ZEB2: variants seen among roughly 807,000 people sequenced by gnomAD.
The protein encoded by ZEB2 is zinc finger E-box binding homeobox 2.
ZEB2 carries 6 observed loss-of-function variants against 99.9 expected under a neutral mutation model. The observed-to-expected ratio is 0.06, with a 90% CI of 0.03 to 0.12. ZEB2 has a LOEUF of 0.12. Ranked by LOEUF, ZEB2 falls within the 10% of genes least tolerant of loss-of-function variation. The pLI, the probability that ZEB2 is intolerant of heterozygous loss-of-function variation, is 1.00. For synonymous variants in ZEB2, 517 were observed against 542.5 expected, an observed-to-expected ratio of 0.95 and a Z score of 0.65; for missense variants, 969 against 1,502.8, an observed-to-expected ratio of 0.64 and a Z score of 5.87.
intron 2 of ZEB2, chr2:144,461,101 T>TTTTC: frequency 6.7e-6 from 1 of 149,606 alleles, no homozygotes; most frequent in African/African-American, 2.4e-5. Flanking sequence ...TTCTTTTTCT[T>TTTTC]TTTTTTTTTT....
In ZEB2 at chr2:144,385,895, T is replaced by A. The variant is rs1482702389; in HGVS notation, c.*3556A>T. 1 of 152,192 alleles carries A rather than the reference T, an allele frequency of 6.6e-6. No individual in the cohort carries two copies. The highest frequency in any genetic ancestry group is 1.5e-5 in the Non-Finnish European group (1 of 68,012). 9.4% of individuals were successfully genotyped at this position (152,192 alleles called of 1,614,324 possible). On this transcript the variant is annotated 3_prime_UTR_variant, in exon 10 of 10. Coordinates refer to ENST00000627532, the MANE Select transcript of ZEB2 (RefSeq NM_014795.4). ...TTCATATTTATTCAAATATAGTCCCTTCTTTCCCCTTTCCTCCAAGCCCTC... is the reference window on the plus strand; with the variant it reads ...TTCATATTTATTCAAATATAGTCCCATCTTTCCCCTTTCCTCCAAGCCCTC...
chr2:144,395,242 T>C (rs1314808515), intron 9 of ZEB2, among the ~76,000 whole-genome samples: 1 of 152,056 alleles, frequency 6.6e-6, no homozygotes, highest in Admixed American at 6.6e-5. Flanking sequence ...CAAGCAGTCT[T>C]CCTGCCTTGG....
At chr2:144,405,169 G>A (rs984822917) in intron 4 of ZEB2, 145 bp from the exon 5 acceptor site, 7 of 859,224 alleles carry the variant, frequency 8.1e-6, no homozygotes, top group Admixed American at 2.1e-5. Context: ...GAAGATGACC[G>A]ATTATTGACT....
chr2:144,459,463 C>T (rs1299929051), intron 2 of ZEB2, among the ~76,000 whole-genome samples: 1 of 152,154 alleles, frequency 6.6e-6, no homozygotes, highest in Non-Finnish European at 1.5e-5. Flanking sequence ...AATTTACCTT[C>T]TCACTTGCAG....
intron 4 of ZEB2, among the ~76,000 whole-genome samples, chr2:144,412,409 G>A (rs1159766104): frequency 6.6e-6 from 1 of 152,224 alleles, no homozygotes; most frequent in African/African-American, 2.4e-5. Flanking sequence ...ATGAAGTAAG[G>A]TGATTTTGCC....
intron 2 of ZEB2, among the ~76,000 whole-genome samples, chr2:144,433,604 T>G (rs1468467179): frequency 6.6e-6 from 1 of 152,170 alleles, no homozygotes; most frequent in Non-Finnish European, 1.5e-5. Flanking sequence ...AAGATATATC[T>G]GCATATGCAT....
intron 2 of ZEB2, among the ~76,000 whole-genome samples, chr2:144,488,670 AGTGTGTGTGTGT>A (rs57221448): frequency 4.1e-5 from 6 of 148,028 alleles, no homozygotes; most frequent in Non-Finnish European, 7.5e-5. Flanking sequence ...CTCGTGTGTG[AGTGTGTGTGTGT>A]GTGTGTGTGT....
Position 144,513,812 on chromosome 2 carries a change from T to C in ZEB2, c.73+3466A>G, listed in dbSNP as rs923253403. On this transcript the variant is annotated intron_variant, in intron 2 of 9. Transcript: ENST00000627532. ...TGACTCCAAGGCTGTGTGGAGATAG[T>C]GGGGTATAATCAGGGGAAAGAAAAA... 7.8e-6 allele frequency: 12 copies of C among 1,535,884 alleles called. No individual in the cohort carries two copies. In the Admixed American group the frequency reaches 2.4e-4, roughly 30 times the overall value.
chr2:144,442,861 G>A (rs540360057), intron 2 of ZEB2, among the ~76,000 whole-genome samples: 19 of 152,076 alleles, frequency 1.2e-4, no homozygotes, highest in Non-Finnish European at 1.9e-4. Context: ...CATACATTGC[G>A]TGGCACAGAA....
chr2:144,396,290 T>C, intron 9 of ZEB2, 122 bp downstream of exon 9: 1 of 1,299,632 alleles, frequency 7.7e-7, no homozygotes, highest in Non-Finnish European at 1.1e-6. Context: ...AAAGCATTAT[T>C]TCTTCCTTGT....
At chr2:144,477,764 A>C (rs1248214625) in intron 2 of ZEB2, among the ~76,000 whole-genome samples, 1 of 152,228 alleles carries the variant, frequency 6.6e-6, no homozygotes, top group South Asian at 2.1e-4. Flanking sequence ...ATGGGGAGAC[A>C]GATGTACAGA....
intron 2 of ZEB2, among the ~76,000 whole-genome samples, chr2:144,505,612 C>T (rs796862913): frequency 2.6e-5 from 4 of 152,170 alleles, no homozygotes; most frequent in African/African-American, 9.6e-5. Context: ...AGGAGGTGGG[C>T]TGGGAGTGGG....
intron 9 of ZEB2, among the ~76,000 whole-genome samples, chr2:144,395,640 A>G (rs1315922213): frequency 1.3e-5 from 2 of 152,182 alleles, no homozygotes; most frequent in Non-Finnish European, 2.9e-5. Flanking sequence ...GGGAGGAAAC[A>G]CAAGTGGAGC....
rs763325552 is a variant in ZEB2 at position 144,396,583 on chromosome 2, G to T, written c.2896C>A (p.Leu966Ile). The T allele has an allele frequency of 1.2e-6, 2 of 1,613,482 alleles. No individual in the cohort carries two copies. Among genetic ancestry groups the T allele is most frequent in the Non-Finnish European group, 1.7e-6 (2 of 1,179,964 alleles). The change falls in exon 9 of 10, where the codon CTT becomes ATT. Residue 966 changes from leucine (L) to isoleucine (I), a missense_variant. Transcript: ENST00000627532. ...GACATGTAGTCTTGTGCTCCATCAA[G>T]CAATTCTCCCTGCGATAGAATCACA... ...QRKQGFQGEL[L>I]DGAQDYMSGL...
At chr2:144,504,548 T>C (rs1370596524) in intron 2 of ZEB2, 1 of 152,170 alleles carries the variant, frequency 6.6e-6, no homozygotes, top group Non-Finnish European at 1.5e-5. Context: ...ACTGGGCTGA[T>C]TTGATGCAAA....
chr2:144,429,672 T>G (rs533477106), intron 3 of ZEB2, 97 bp downstream of exon 3: 1 of 1,589,814 alleles, frequency 6.3e-7, no homozygotes, highest in East Asian at 2.2e-5. Flanking sequence ...AAAGAAATAT[T>G]TTAATTATTT....
chr2:144,392,847 T>C (rs1489486916), intron 9 of ZEB2, among the ~76,000 whole-genome samples: 3 of 152,204 alleles, frequency 2.0e-5, no homozygotes, highest in African/African-American at 7.2e-5. Flanking sequence ...CTCTAATATC[T>C]AGATTTGTGA....
At position 144,398,348 on chromosome 2, in the gene ZEB2, C is replaced by G. The variant is rs1433450694; in HGVS notation, c.2839G>C (p.Ala947Pro). The G allele has an allele frequency of 2.5e-6, 4 of 1,613,842 alleles. No individual in the cohort carries two copies. Among genetic ancestry groups the G allele is most frequent in the Non-Finnish European group, 3.4e-6 (4 of 1,179,980 alleles). The change falls in exon 8 of 10, where the codon GCT (alanine) becomes CCT (proline). Residue 947 changes from alanine to proline, a missense_variant. Coordinates refer to ENST00000627532, the MANE Select transcript of ZEB2 (RefSeq NM_014795.4). ...YTYPTGAATF[A>P]DMQQRRKYQR... Reference sequence around the variant, plus strand: ...TACTTTCTCCTTTGCTGCATATCAGCAAAAGTAGCTGCTCCAGTTGGGTAG... The same window carrying G: ...TACTTTCTCCTTTGCTGCATATCAGGAAAAGTAGCTGCTCCAGTTGGGTAG...
At chr2:144,393,514 T>C (rs1703179952) in intron 9 of ZEB2, among the ~76,000 whole-genome samples, 2 of 152,228 alleles carry the variant, frequency 1.3e-5, no homozygotes, top group African/African-American at 4.8e-5. Context: ...TTCTCACTTA[T>C]AATTTTCATC....
Sources: allele counts gnomAD v4.1 joint callset (sites outside exome capture counted in the v4.1 genomes callset), GRCh38; gene constraint gnomAD v4.1.1; transcripts MANE v1.5; gene names NCBI Gene and HGNC (gene_info 2026-07-23, HGNC 2026-07-21).